Variants in CLEC7A observed in about 807,000 individuals in gnomAD.
The protein encoded by CLEC7A is C-type lectin domain family 7 member A.
Under a neutral mutation model 26.9 loss-of-function variants are expected in CLEC7A, and 25 were observed. That is an observed-to-expected ratio of 0.93 (90% CI 0.68 to 1.30). CLEC7A has a LOEUF of 1.30. Ranked by LOEUF, CLEC7A falls within the 50% of genes most tolerant of loss-of-function variation. CLEC7A has a pLI of 0.00. For missense variants in CLEC7A, 275 were observed against 286.7 expected (o/e 0.96, Z 0.29); for synonymous variants, 100 against 99.5 (o/e 1.01, Z -0.03).
At chr12:10,126,914 T>TAAAAA in intron 2 of CLEC7A, 1 of 508,812 alleles carries the variant, frequency 2.0e-6, no homozygotes, top group South Asian at 3.8e-5. Flanking sequence ...GGAGGTATAG[T>TAAAAA]AAAAAAAAAA....
intron 3 of CLEC7A, chr12:10,126,097 T>C (rs1157502719): frequency 1.3e-6 from 1 of 773,708 alleles, no homozygotes; most frequent in African/African-American, 1.9e-5. Flanking sequence ...ACATGTGTAT[T>C]AGGTCTACCT....
rs1160497202 is a variant in CLEC7A at position 10,117,154 on chromosome 12, ATTTTATGTAT to A, written c.*1294_*1303del. On this transcript the variant is annotated 3_prime_UTR_variant, in exon 6 of 6. Transcript: ENST00000304084. ...GTTACTTTTTTATATTCATCATCAGATTTTATGTATTTTTATGTATTTTTGTATTTAAAAA... is the reference window on the plus strand; with the variant it reads ...GTTACTTTTTTATATTCATCATCAGATTTTATGTATTTTTGTATTTAAAAA... 8.5e-5 allele frequency: 13 copies of A among 152,168 alleles called. No homozygotes were observed. Among genetic ancestry groups the A allele is most frequent in the African/African-American group, 2.7e-4 (11 of 41,432 alleles). The allele number at this position is 152,168 out of a possible 1,614,324, so 9.4% of individuals were successfully genotyped here. A position where few individuals can be genotyped will look rare whatever the true frequency, so the allele number is the denominator to read the frequency against.
At chr12:10,127,358 G>T (rs1948324442) in intron 2 of CLEC7A, 1 of 1,581,332 alleles carries the variant, frequency 6.3e-7, no homozygotes, top group Non-Finnish European at 8.6e-7. Context: ...TCATTAGGAA[G>T]ACAGCACCAT....
In CLEC7A at chr12:10,127,790, T is replaced by C. The variant is rs143257334; in HGVS notation, c.159A>G (p.Leu53=). ...WRLIAVILGI[L]CLVILVIAVV... ...CAGCTATCACCAGTATTACCAAGCA[T>C]AGGATTCCCAAAATTACAGCAATGA... Residue 53 remains leucine (L), a synonymous_variant, in exon 2 of 6, where the codon CTA becomes CTG. Coordinates refer to ENST00000304084, the MANE Select transcript of CLEC7A (RefSeq NM_197947.3). 7.2e-5 allele frequency: 115 copies of C among 1,588,764 alleles called. No individual in the cohort carries two copies. Among genetic ancestry groups the C allele is most frequent in the Middle Eastern group, 3.3e-4 (2 of 6,038 alleles).
chr12:10,126,188 C>G (rs180753433), intron 3 of CLEC7A: 1 of 984,594 alleles, frequency 1.0e-6, no homozygotes, highest in Admixed American at 6.2e-5. Flanking sequence ...TTCTTCCTTT[C>G]TAATGTCATA....
At position 10,118,364 on chromosome 12, in the gene CLEC7A, C is replaced by A. The variant is rs1947971908; in HGVS notation, c.*94G>T. 3.3e-6 allele frequency: 4 copies of A among 1,201,590 alleles called. No homozygotes were observed. Among genetic ancestry groups the A allele is most frequent in the African/African-American group, 3.1e-5 (2 of 64,244 alleles). 74.4% of individuals were successfully genotyped at this position (1,201,590 alleles called of 1,614,324 possible). On this transcript the variant is annotated 3_prime_UTR_variant, in exon 6 of 6. Transcript: ENST00000304084. ...GGCCAAGCTCTCTAAACATTTTCTG[C>A]ATTTATCTTGACCTCAGCTGTTACT...
intron 3 of CLEC7A, chr12:10,126,081 T>C: frequency 1.6e-6 from 1 of 633,218 alleles, no homozygotes; most frequent in Non-Finnish European, 2.0e-6. Context: ...TGATGAGTTT[T>C]CAGGGACATG....
At chr12:10,126,477 A>T in intron 3 of CLEC7A, 94 bp downstream of exon 3, 1 of 1,476,198 alleles carries the variant, frequency 6.8e-7, no homozygotes, top group Non-Finnish European at 9.0e-7. Context: ...CAATCATTGA[A>T]TCTAAGTGTT....
chr12:10,122,878 G>A (rs963894607), intron 5 of CLEC7A, among the ~76,000 whole-genome samples: 7 of 152,034 alleles, frequency 4.6e-5, no homozygotes, highest in African/African-American at 1.7e-4. Flanking sequence ...CAGTGAGTGG[G>A]GTAATCATTA....
intron 4 of CLEC7A, among the ~76,000 whole-genome samples, chr12:10,124,206 T>C (rs1948198608): frequency 6.6e-6 from 1 of 152,276 alleles, no homozygotes; most frequent in African/African-American, 2.4e-5. Context: ...TCAGATAGAC[T>C]TGTAATCCAG....
At chr12:10,127,099 A>G (rs780786875) in intron 2 of CLEC7A, 1 of 1,314,946 alleles carries the variant, frequency 7.6e-7, no homozygotes, top group Non-Finnish European at 1.0e-6. Flanking sequence ...CCTATAACAT[A>G]GAACGCACTC....
At position 10,127,770 on chromosome 12, in the gene CLEC7A, A is replaced by G; in HGVS notation, c.179T>C (p.Ile60Thr). 6.3e-7 allele frequency: 1 copy of G among 1,590,698 alleles called. No homozygotes were observed. The highest frequency in any genetic ancestry group is 8.6e-7 in the Non-Finnish European group (1 of 1,167,214). Residue 60 changes from isoleucine to threonine, a missense_variant, in exon 2 of 6, where the codon ATA becomes ACA. Coordinates refer to ENST00000304084, the MANE Select transcript of CLEC7A (RefSeq NM_197947.3). ...LGILCLVILVIAVVLGTMAIW... is the reference protein window; with the variant it reads ...LGILCLVILVTAVVLGTMAIW... ...ACCCATGGTACCCAGGACCACAGCT[A>G]TCACCAGTATTACCAAGCATAGGAT... is the stretch of plus-strand genomic sequence containing the variant.
chr12:10,126,348 G>T (rs1450712957), intron 3 of CLEC7A: 7 of 981,752 alleles, frequency 7.1e-6, no homozygotes, highest in Non-Finnish European at 8.5e-6. Flanking sequence ...AATTAATAAA[G>T]TCCAATTTAG....
At chr12:10,123,201 C>A in intron 5 of CLEC7A, 44 bp downstream of exon 5, 4 of 1,282,444 alleles carry the variant, frequency 3.1e-6, no homozygotes, top group Non-Finnish European at 3.4e-6. Flanking sequence ...AGATGGAAAC[C>A]TCTCTGAGAA....
intron 5 of CLEC7A, among the ~76,000 whole-genome samples, chr12:10,120,817 C>T (rs1041711398): frequency 2.7e-5 from 4 of 145,830 alleles, no homozygotes; most frequent in Admixed American, 6.8e-5. Flanking sequence ...TGCAGTGGTG[C>T]GATCTCGGCT....
At chr12:10,124,208 G>A (rs905336286) in intron 4 of CLEC7A, among the ~76,000 whole-genome samples, 80 of 152,304 alleles carry the variant, frequency 5.3e-4, no homozygotes, top group African/African-American at 1.9e-3. Flanking sequence ...AGATAGACTT[G>A]TAATCCAGTA....
At position 10,117,530 on chromosome 12, in the gene CLEC7A, C is replaced by CAGAAA. The variant is rs1947948572; in HGVS notation, c.*927_*928insTTTCT. The CAGAAA allele has an allele frequency of 1.8e-5, 1 of 57,024 alleles. No individual in the cohort carries two copies. The highest frequency in any genetic ancestry group is 6.1e-5 in the African/African-American group (1 of 16,454). 3.5% of individuals were successfully genotyped at this position (57,024 alleles called of 1,614,324 possible). On this transcript the variant is annotated 3_prime_UTR_variant, in exon 6 of 6. Coordinates refer to ENST00000304084, the MANE Select transcript of CLEC7A (RefSeq NM_197947.3). ...GGGCAACAAGAGCGAAACTCTGTCTCAAAAAAAAAAAAAAAAAAAAAGATT... is the reference window on the plus strand; with the variant it reads ...GGGCAACAAGAGCGAAACTCTGTCTCAGAAAAAAAAAAAAAAAAAAAAAAAAGATT...
At chr12:10,125,081 T>C in intron 4 of CLEC7A, 1 of 616,472 alleles carries the variant, frequency 1.6e-6, no homozygotes, top group South Asian at 1.7e-5. Flanking sequence ...CACCCTGTAG[T>C]CCTACCTACT....
intron 4 of CLEC7A, 35 bp from the exon 5 acceptor site, chr12:10,123,398 G>T (rs888069504): frequency 5.5e-6 from 6 of 1,084,338 alleles, no homozygotes. Flanking sequence ...ATAATAAAGA[G>T]AGAGAGAGAG....
Sources: gnomAD v4.1 joint callset for allele counts (sites outside exome capture counted in the v4.1 genomes callset) on GRCh38, gnomAD v4.1.1 for gene constraint, MANE v1.5 for transcripts, NCBI Gene and HGNC (gene_info 2026-07-23, HGNC 2026-07-21) for gene names.